The following KCNN2 variants were observed in gnomAD, a reference collection of about 807,000 sequenced individuals.
KCNN2 encodes potassium calcium-activated channel subfamily N member 2.
A neutral mutation model predicts 55.5 loss-of-function variants in KCNN2; 24 were observed. That is an observed-to-expected ratio of 0.43 (90% CI 0.31 to 0.61). The LOEUF is 0.61. Among genes scored for constraint, KCNN2 ranks in the 20% least tolerant of loss-of-function variants. The probability of loss-of-function intolerance (pLI) is 0.08; values close to 1 mark genes in which losing one functional copy is unlikely to be tolerated. For synonymous variants in KCNN2, 431 were observed against 336.1 expected (o/e 1.28, Z -3.09); for missense variants, 754 against 853.6 (o/e 0.88, Z 1.45).
intron 2 of KCNN2, among the ~76,000 whole-genome samples, chr5:114,254,593 A>T (rs975844482): frequency 6.6e-6 from 1 of 152,240 alleles, no homozygotes; most frequent in African/African-American, 2.4e-5. Flanking sequence ...TAAAAAAGTT[A>T]TCACAGTAAA....
chr5:114,418,073 C>T (rs1759361923), intron 3 of KCNN2, among the ~76,000 whole-genome samples: 1 of 152,106 alleles, frequency 6.6e-6, no homozygotes, highest in Non-Finnish European at 1.5e-5. Context: ...TAATGAGTGA[C>T]TTAAAGTGTT....
intron 1 of KCNN2, among the ~76,000 whole-genome samples, chr5:114,082,032 C>G (rs1027684447): frequency 7.9e-5 from 12 of 151,844 alleles, no homozygotes; most frequent in African/African-American, 2.9e-4. Context: ...ATATATATTC[C>G]AAAGAAGATA....
At chr5:114,242,049 C>A (rs373862629) in intron 2 of KCNN2, among the ~76,000 whole-genome samples, 2 of 151,182 alleles carry the variant, frequency 1.3e-5, no homozygotes, top group Non-Finnish European at 2.9e-5. Flanking sequence ...AGTTCCCACA[C>A]GGTGAAATGG....
At chr5:114,387,704 C>T (rs1420833882) in intron 2 of KCNN2, among the ~76,000 whole-genome samples, 2 of 152,122 alleles carry the variant, frequency 1.3e-5, no homozygotes, top group African/African-American at 4.8e-5. Flanking sequence ...AATAGAGCCT[C>T]TTTGTTGTAC....
chr5:114,223,777 G>A (rs541782497), intron 2 of KCNN2, among the ~76,000 whole-genome samples: 3 of 152,244 alleles, frequency 2.0e-5, no homozygotes, highest in South Asian at 4.1e-4. Flanking sequence ...GAACTAAGAC[G>A]AACTTCTGAG....
intron 2 of KCNN2, among the ~76,000 whole-genome samples, chr5:114,338,844 G>A (rs151179563): frequency 4.1e-4 from 62 of 152,282 alleles, no homozygotes; most frequent in Middle Eastern, 3.4e-3. Flanking sequence ...TGGCTAATGA[G>A]GTAAGAGGTA....
intron 2 of KCNN2, among the ~76,000 whole-genome samples, chr5:114,250,655 G>A (rs1754839645): frequency 6.6e-6 from 1 of 152,176 alleles, no homozygotes; most frequent in African/African-American, 2.4e-5. Context: ...TATAAGTGAT[G>A]TAATGAAGTC....
intron 3 of KCNN2, among the ~76,000 whole-genome samples, chr5:114,457,341 T>G (rs1017607238): frequency 1.3e-5 from 2 of 152,210 alleles, no homozygotes; most frequent in African/African-American, 4.8e-5. Flanking sequence ...ATATACATTT[T>G]TTAAGACATC....
chr5:114,282,251 G>T (rs1368288864), intron 2 of KCNN2, among the ~76,000 whole-genome samples: 1 of 151,634 alleles, frequency 6.6e-6, no homozygotes, highest in Non-Finnish European at 1.5e-5. Context: ...CCTTTGTATG[G>T]GGAATTCATT....
chr5:114,178,791 G>A (rs1753184150), intron 1 of KCNN2, among the ~76,000 whole-genome samples: 1 of 152,168 alleles, frequency 6.6e-6, no homozygotes, highest in African/African-American at 2.4e-5. Flanking sequence ...TTTTGCTAAG[G>A]AGGCCGGATC....
chr5:114,362,385 G>C lies in KCNN2; in HGVS notation c.246G>C (p.Ala82=). ...CASSGAPAAG[A]GDNLSLLLRT... ...CCTCCGGTGCCCCGGCGGCGGGGGC[G>C]GGAGATAACCTGTCCCTGCTGCTCC... is the stretch of plus-strand genomic sequence containing the variant. Residue 82 remains alanine, a synonymous_variant, in exon 1 of 8, where the codon GCG becomes GCC. Coordinates refer to ENST00000673685, the MANE Select transcript of KCNN2 (RefSeq NM_021614.4). 4.3e-6 allele frequency: 1 copy of C among 230,394 alleles called. No individual in the cohort carries two copies. Among genetic ancestry groups the C allele is most frequent in the South Asian group, 1.2e-4 (1 of 8,216 alleles). 14.3% of individuals were successfully genotyped at this position (230,394 alleles called of 1,614,324 possible).
chr5:114,427,665 T>G (rs1306513902), intron 3 of KCNN2, among the ~76,000 whole-genome samples: 1 of 152,194 alleles, frequency 6.6e-6, no homozygotes, highest in East Asian at 1.9e-4. Flanking sequence ...CAGCTGTCAG[T>G]AAATGGGGCC....
intron 2 of KCNN2, among the ~76,000 whole-genome samples, chr5:114,368,396 G>C (rs1027159040): frequency 3.9e-5 from 6 of 152,154 alleles, no homozygotes; most frequent in African/African-American, 1.4e-4. Flanking sequence ...CGGAAGAACA[G>C]TAATGAAAAT....
intron 1 of KCNN2, among the ~76,000 whole-genome samples, chr5:114,192,352 G>T (rs1311753055): frequency 6.6e-6 from 1 of 152,174 alleles, no homozygotes; most frequent in Non-Finnish European, 1.5e-5. Flanking sequence ...GAGTTTGCTA[G>T]TAGAACTCTG....
intron 2 of KCNN2, among the ~76,000 whole-genome samples, chr5:114,336,441 A>G (rs1180119890): frequency 6.6e-6 from 1 of 152,222 alleles, no homozygotes; most frequent in African/African-American, 2.4e-5. Flanking sequence ...GTGCTCAAAT[A>G]ATAGTCATCT....
rs560538523 is a variant in KCNN2, at chr5:114,280,850, A to G, written c.-185+59285A>G. 2.6e-5 allele frequency among the ~76,000 whole-genome samples: 4 copies of G among 152,222 alleles called. No homozygotes were observed. In the South Asian group the frequency reaches 8.3e-4, roughly 32 times the overall value. On this transcript the variant is annotated intron_variant, in intron 2 of 10. Transcript: ENST00000512097. ...TTTAAAATAAAATCTAAATTCTGTG[A>G]GGTTCTGTATGATCTGACTCTCCAG...
intron 2 of KCNN2, among the ~76,000 whole-genome samples, chr5:114,223,891 C>T (rs1460330647): frequency 6.6e-6 from 1 of 152,046 alleles, no homozygotes; most frequent in South Asian, 2.1e-4. Context: ...TTTGGCAGCA[C>T]CTGGGGCCTG....
chr5:114,235,007 T>A (rs1754463097), intron 2 of KCNN2, among the ~76,000 whole-genome samples: 1 of 152,208 alleles, frequency 6.6e-6, no homozygotes, highest in African/African-American at 2.4e-5. Context: ...GCTTTAACAG[T>A]TTCACAGTTA....
intron 2 of KCNN2, among the ~76,000 whole-genome samples, chr5:114,292,290 G>A (rs1169848015): frequency 6.6e-6 from 1 of 152,226 alleles, no homozygotes; most frequent in Non-Finnish European, 1.5e-5. Flanking sequence ...GAATGGCATT[G>A]CCTAGGTTTT....
Sources: gnomAD v4.1 joint callset for allele counts (sites outside exome capture counted in the v4.1 genomes callset) on GRCh38, gnomAD v4.1.1 for gene constraint, MANE v1.5 for transcripts, NCBI Gene and HGNC (gene_info 2026-07-23, HGNC 2026-07-21) for gene names.